ETV6: variants seen among roughly 807,000 people sequenced by gnomAD.
The protein encoded by ETV6 is ETS variant transcription factor 6, also known as transcription factor ETV6.
Under a neutral mutation model 51.1 loss-of-function variants are expected in ETV6, and 16 were observed. The observed-to-expected ratio is 0.31, with a 90% confidence interval of 0.21 to 0.48. The LOEUF (loss-of-function observed/expected upper bound fraction) is 0.48. ETV6 is among the 20% of genes least tolerant of loss of function. ETV6 has a pLI of 0.99. For synonymous variants in ETV6, 240 were observed against 224.1 expected (o/e 1.07, Z -0.64); for missense variants, 458 against 594.8 (o/e 0.77, Z 2.39).
Position 11,869,967 on chromosome 12 carries a change from C to A in ETV6, c.1007C>A (p.Ala336Glu). The change falls in exon 5 of 8, where the codon GCA (alanine) becomes GAA (glutamate). Residue 336 changes from alanine (A) to glutamate (E), a missense_variant and splice_region_variant. This residue lies in a region of ETV6 where 55 missense variants were observed against 151.2 expected (regional missense o/e 0.36). Transcript: ENST00000396373. This position sits in a 1 kb window ranked among gnomAD's most constrained non-coding sequence, Gnocchi z 5.0. ...CACGCCATGCCCATTGGGAGAATAG[C>A]AGGTGAGTGAGTTCCCCTCTCGCCG... The part of the protein sequence containing the change: ...EEHAMPIGRI[A>E]DCRLLWDYVY... 1.3e-6 allele frequency: 2 copies of A among 1,599,204 alleles called. No homozygotes were observed. Among genetic ancestry groups the A allele is most frequent in the Non-Finnish European group, 1.7e-6 (2 of 1,176,714 alleles).
intron 7 of ETV6, among the ~76,000 whole-genome samples, chr12:11,890,427 CT>C (rs11316604): frequency 0.11 from 16,237 of 143,166 alleles, 1,131 homozygotes; most frequent in African/African-American, 0.21. Context: ...ACAGCCTAGA[CT>C]TTTTTTTTTT....
intron 1 of ETV6, among the ~76,000 whole-genome samples, chr12:11,718,958 T>TTC (rs1174219886): frequency 2.6e-5 from 4 of 152,218 alleles, no homozygotes; most frequent in Non-Finnish European, 5.9e-5. Context: ...AGAGTCTGGG[T>TTC]TCTCTCTCTC....
At chr12:11,707,852 T>A (rs561196175) in intron 1 of ETV6, among the ~76,000 whole-genome samples, 1 of 152,326 alleles carries the variant, frequency 6.6e-6, no homozygotes, top group East Asian at 1.9e-4. Context: ...AGGGCCATAT[T>A]TACCTGTTAA....
chr12:11,654,656 G>A (rs1253016157), intron 1 of ETV6, among the ~76,000 whole-genome samples: 2 of 152,120 alleles, frequency 1.3e-5, no homozygotes. Flanking sequence ...TAGTAGGAGG[G>A]AGGAGATGAG....
At chr12:11,730,560 T>A (rs1441423193) in intron 1 of ETV6, among the ~76,000 whole-genome samples, 1 of 152,248 alleles carries the variant, frequency 6.6e-6, no homozygotes, top group Non-Finnish European at 1.5e-5. Context: ...CCTAGGTCCA[T>A]AACTGTGGAC....
chr12:11,670,479 A>G (rs1268954146), intron 1 of ETV6, among the ~76,000 whole-genome samples: 1 of 152,246 alleles, frequency 6.6e-6, no homozygotes, highest in Non-Finnish European at 1.5e-5. Flanking sequence ...TCAAGTAGTT[A>G]TATTCTTTAA....
rs529022424 is a variant in ETV6, at chr12:11,857,388, T to C, written c.463+3827T>C. Reference sequence around the variant, plus strand: ...TCATCATGCTAATTCAAACTCTCTATATGTGAACATTTGTTACCTCTATAA... The same window carrying C: ...TCATCATGCTAATTCAAACTCTCTACATGTGAACATTTGTTACCTCTATAA... On this transcript the variant is annotated intron_variant, in intron 4 of 7. Transcript: ENST00000396373. 4.6e-5 allele frequency among the ~76,000 whole-genome samples: 7 copies of C among 152,330 alleles called. No homozygotes were observed. The South Asian group carries it at 1.4e-3, about 32-fold the overall frequency.
intron 2 of ETV6, among the ~76,000 whole-genome samples, chr12:11,838,665 C>A (rs1393100422): frequency 6.6e-6 from 1 of 152,190 alleles, no homozygotes; most frequent in Non-Finnish European, 1.5e-5. Flanking sequence ...AACATTCTTT[C>A]TTCAGAAGGA....
At chr12:11,743,676 G>A (rs1284805965) in intron 1 of ETV6, among the ~76,000 whole-genome samples, 1 of 152,204 alleles carries the variant, frequency 6.6e-6, no homozygotes, top group African/African-American at 2.4e-5. Flanking sequence ...TATTAGGCAT[G>A]TGTGGTCCAT....
chr12:11,762,837 C>A (rs1230934950), intron 2 of ETV6, among the ~76,000 whole-genome samples: 1 of 152,286 alleles, frequency 6.6e-6, no homozygotes, highest in East Asian at 1.9e-4. Context: ...AGCAGTGATT[C>A]GTGACCAAAG....
At chr12:11,827,070 T>TCTCACACA (rs368955726) in intron 2 of ETV6, among the ~76,000 whole-genome samples, 8 of 145,166 alleles carry the variant, frequency 5.5e-5, no homozygotes, top group African/African-American at 1.8e-4. Flanking sequence ...GAAGTCTGTC[T>TCTCACACA]CACACACACA....
chr12:11,786,375 C>A (rs565411143), intron 2 of ETV6, among the ~76,000 whole-genome samples: 3 of 150,588 alleles, frequency 2.0e-5, no homozygotes, highest in East Asian at 1.9e-4. Flanking sequence ...GATATATATA[C>A]GCTAATTCAG....
At chr12:11,868,592 C>T (rs139254716) in intron 4 of ETV6, among the ~76,000 whole-genome samples, 7 of 151,574 alleles carry the variant, frequency 4.6e-5, no homozygotes, top group Admixed American at 1.3e-4. Context: ...CGGGAGCCAC[C>T]GCACCCAGCC....
intron 2 of ETV6, among the ~76,000 whole-genome samples, chr12:11,774,850 A>G (rs374727242): frequency 6.6e-6 from 1 of 152,222 alleles, no homozygotes; most frequent in Non-Finnish European, 1.5e-5. Context: ...GACAGAGGGT[A>G]CTGCTTTAGA....
At chr12:11,843,307 C>A (rs1946416548) in intron 3 of ETV6, among the ~76,000 whole-genome samples, 1 of 152,208 alleles carries the variant, frequency 6.6e-6, no homozygotes, top group Non-Finnish European at 1.5e-5. Flanking sequence ...GATTGAAAAT[C>A]CTTTTTATTT....
At position 11,891,122 on chromosome 12, in the gene ETV6, GAGC is replaced by G. The variant is rs528434462; in HGVS notation, c.*79_*81del. 549 of 1,205,494 alleles carry G rather than the reference GAGC, an allele frequency of 4.6e-4. 4 individuals are homozygous for G. In the South Asian group the frequency reaches 6.5e-3, roughly 14 times the overall value. 74.7% of individuals were successfully genotyped at this position (1,205,494 alleles called of 1,614,324 possible). ...CACCAGGATTGCTGGAAGTGTGACG[GAGC>G]AGGCGGGCTGAGGAGAGTGGAAAAG... On this transcript the variant is annotated 3_prime_UTR_variant, in exon 8 of 8. Coordinates refer to ENST00000396373, the MANE Select transcript of ETV6 (RefSeq NM_001987.5).
intron 4 of ETV6, among the ~76,000 whole-genome samples, chr12:11,855,405 G>T (rs1190818548): frequency 6.6e-6 from 1 of 152,200 alleles, no homozygotes; most frequent in Non-Finnish European, 1.5e-5. Flanking sequence ...GCCTCTGAGG[G>T]TCATGATCCT....
At chr12:11,691,272 T>G (rs181170234) in intron 1 of ETV6, among the ~76,000 whole-genome samples, 13 of 152,278 alleles carry the variant, frequency 8.5e-5, no homozygotes, top group Middle Eastern at 3.4e-3. Flanking sequence ...ATACGAATTC[T>G]GGGGTAACAC....
At chr12:11,683,117 G>C (rs1403957092) in intron 1 of ETV6, among the ~76,000 whole-genome samples, 1 of 152,196 alleles carries the variant, frequency 6.6e-6, no homozygotes, top group Non-Finnish European at 1.5e-5. Flanking sequence ...GCAGTGGATT[G>C]ATCTCTGCTC....
Sources: gnomAD v4.1 joint callset for allele counts (sites outside exome capture counted in the v4.1 genomes callset) on GRCh38, gnomAD v4.1.1 for gene constraint, gnomAD v4.1.1 regional missense constraint, Gnocchi (gnomAD v3.1) non-coding constraint, MANE v1.5 for transcripts, NCBI Gene and HGNC (gene_info 2026-07-23, HGNC 2026-07-21) for gene names.